The following SLC52A3 variants were observed in gnomAD, a reference collection of about 807,000 sequenced individuals.
The protein encoded by SLC52A3 is solute carrier family 52, riboflavin transporter, member 3.
Under a neutral mutation model 29.5 loss-of-function variants are expected in SLC52A3, and 20 were observed. That is an observed-to-expected ratio of 0.68 (90% CI 0.48 to 0.99). The LOEUF is 0.99. Among genes scored for constraint, SLC52A3 ranks in the 50% least tolerant of loss-of-function variants. The pLI is 0.00. For synonymous variants in SLC52A3, 301 were observed against 271.0 expected (o/e 1.11, Z -1.09); for missense variants, 548 against 612.9 (o/e 0.89, Z 1.12).
upstream of SLC52A3, among the ~76,000 whole-genome samples, chr20:771,105 A>G (rs992062139): frequency 2.6e-5 from 4 of 151,990 alleles, no homozygotes; most frequent in Non-Finnish European, 5.9e-5. Flanking sequence ...TGTTTAAGTC[A>G]CTCTTATTTT....
At chr20:761,386 G>T in intron 4 of SLC52A3, 148 bp from the exon 5 acceptor site, 1 of 979,116 alleles carries the variant, frequency 1.0e-6, no homozygotes, top group Non-Finnish European at 1.5e-6. Context: ...CGGGGCCGAC[G>T]GGTCCCATGA....
At chr20:778,510 GGT>G (rs1346821557), upstream of SLC52A3, among the ~76,000 whole-genome samples, 2 of 152,026 alleles carry the variant, frequency 1.3e-5, no homozygotes. Context: ...AATTAAATAT[GGT>G]TTCTCTCCTG....
At chr20:769,493 C>T (rs1986783826), upstream of SLC52A3, among the ~76,000 whole-genome samples, 1 of 152,234 alleles carries the variant, frequency 6.6e-6, no homozygotes, top group African/African-American at 2.4e-5. Context: ...AGAACTGTTG[C>T]TAGGAACATG....
chr20:767,311 T>C (rs1986716065), intron 1 of SLC52A3, among the ~76,000 whole-genome samples: 1 of 151,988 alleles, frequency 6.6e-6, no homozygotes, highest in Non-Finnish European at 1.5e-5. Flanking sequence ...AAGCAACCCT[T>C]GAAGGACACA....
Position 761,061 on chromosome 20 carries a change from A to T in SLC52A3, c.1375T>A (p.Ser459Thr). Residue 459 changes from serine (S) to threonine (T), a missense_variant, in exon 5 of 5, where the codon TCC (serine) becomes ACC (threonine). Coordinates refer to ENST00000645534, the MANE Select transcript of SLC52A3 (RefSeq NM_033409.4). ...CAGTGCAGATTGCAGAAGTCCGCGG[A>T]CGAGAAGAGCCGCAGCACGTTGACC... ...PLVNVLRLFSSADFCNLHCPA is the reference protein window; with the variant it reads ...PLVNVLRLFSTADFCNLHCPA The T allele has an allele frequency of 6.2e-7, 1 of 1,609,852 alleles. No homozygotes were observed. The highest frequency in any genetic ancestry group is 8.5e-7 in the Non-Finnish European group (1 of 1,178,710).
At chr20:767,943 A>C (rs2122535112) in intron 1 of SLC52A3, among the ~76,000 whole-genome samples, 1 of 152,264 alleles carries the variant, frequency 6.6e-6, no homozygotes, top group Middle Eastern at 3.4e-3. Context: ...AGATGCCAGG[A>C]GTGAGGCTCT....
chr20:763,126 C>T (rs6140113), intron 3 of SLC52A3, among the ~76,000 whole-genome samples: 26,243 of 152,184 alleles, frequency 0.17, 2,637 homozygotes, highest in East Asian at 0.52. Flanking sequence ...CCCTTATAAA[C>T]GGGAACCTCA....
In SLC52A3 at chr20:765,503, A is replaced by C. The variant is rs1481097414; in HGVS notation, c.272T>G (p.Phe91Cys). 10 of 1,586,574 alleles carry C rather than the reference A, an allele frequency of 6.3e-6. No individual in the cohort carries two copies. The highest frequency in any genetic ancestry group is 2.7e-5 in the African/African-American group (2 of 74,294). The change falls in exon 2 of 5, where the codon TTC becomes TGC. Residue 91 changes from phenylalanine to cysteine, a missense_variant. By Grantham distance (205) the Phe-to-Cys change is radical. Coordinates refer to ENST00000645534, the MANE Select transcript of SLC52A3 (RefSeq NM_033409.4). This position sits in a 1 kb window ranked among gnomAD's most constrained non-coding sequence, Gnocchi z 6.6. The part of the protein sequence containing the change: ...VGTVTCIIFA[F>C]LWNMTSWVLD... Reference sequence around the variant, plus strand: ...CACCCAGGAGGTCATATTCCAGAGGAAGGCAAAGATGATGCAGGTGACGGT... The same window carrying C: ...CACCCAGGAGGTCATATTCCAGAGGCAGGCAAAGATGATGCAGGTGACGGT...
rs1986437649 is a variant in SLC52A3 at position 760,951 on chromosome 20, C to A, written c.*75G>T. The A allele has an allele frequency of 7.1e-7, 1 of 1,404,370 alleles. No homozygotes were observed. Among genetic ancestry groups the A allele is most frequent in the South Asian group, 1.2e-5 (1 of 80,982 alleles). The allele number at this position is 1,404,370 out of a possible 1,614,324, so 87.0% of individuals were successfully genotyped here. Reference sequence around the variant, plus strand: ...CTCAGGCTCTGTCTCTCTGTTCCTGCCCCTTGCTCTGTGACCTGGCCTCTC... The same window carrying A: ...CTCAGGCTCTGTCTCTCTGTTCCTGACCCTTGCTCTGTGACCTGGCCTCTC... On this transcript the variant is annotated 3_prime_UTR_variant, in exon 5 of 5. Transcript: ENST00000645534. This position sits in a 1 kb window ranked among gnomAD's most constrained non-coding sequence, Gnocchi z 4.9.
chr20:770,094 A>G (rs6117544), upstream of SLC52A3, among the ~76,000 whole-genome samples: 116,486 of 151,596 alleles, frequency 0.77, 45,535 homozygotes, highest in East Asian at 0.91. The surrounding 1 kb of genome is among the most constrained non-coding windows in gnomAD (Gnocchi z 4.5). Flanking sequence ...CGTTGCCAGC[A>G]CTCATTTAAT....
Position 763,553 on chromosome 20 carries a change from G to C in SLC52A3, c.1018C>G (p.Leu340Val). 2.5e-6 allele frequency: 4 copies of C among 1,614,180 alleles called. No homozygotes were observed. Among genetic ancestry groups the C allele is most frequent in the Non-Finnish European group, 3.4e-6 (4 of 1,180,020 alleles). Residue 340 changes from leucine to valine, a missense_variant, in exon 3 of 5, where the codon CTC becomes GTC. This residue lies in a region of SLC52A3 where 375 missense variants were observed against 471.1 expected (regional missense o/e 0.80). Transcript: ENST00000645534. ...GPVAYHLAAT[L>V]SIVANPLASL... is the part of the protein sequence containing the mutation. The stretch of plus-strand genomic sequence containing the variant: ...GCAAGAGGGTTGGCCACAATGCTGA[G>C]GGTGGCAGCCAGGTGGTAGGCAACT...
intron 1 of SLC52A3, among the ~76,000 whole-genome samples, 175 bp downstream of exon 1, chr20:768,122 C>G (rs892777674): frequency 1.3e-5 from 2 of 152,210 alleles, no homozygotes; most frequent in African/African-American, 2.4e-5. Context: ...TGAGTTTATG[C>G]TGTTTCCAAC....
chr20:779,579 A>G (rs1987156573), upstream of SLC52A3, among the ~76,000 whole-genome samples: 1 of 152,236 alleles, frequency 6.6e-6, no homozygotes. Flanking sequence ...AGATTGCACC[A>G]CTGCACTCCA....
upstream of SLC52A3, among the ~76,000 whole-genome samples, chr20:773,106 C>G (rs534668631): frequency 1.4e-4 from 21 of 152,148 alleles, no homozygotes; most frequent in Non-Finnish European, 2.2e-4. Context: ...GCAGAAGAGA[C>G]CAGCTCTAAT....
chr20:773,714 C>G (rs1986919157), intron 1 of SLC52A3, among the ~76,000 whole-genome samples: 1 of 152,144 alleles, frequency 6.6e-6, no homozygotes, highest in East Asian at 1.9e-4. Flanking sequence ...GTTAAGATGC[C>G]CCATAATGCG....
At chr20:761,878 C>T (rs1000895791) in intron 3 of SLC52A3, 54 bp from the exon 4 acceptor site, 14 of 1,612,976 alleles carry the variant, frequency 8.7e-6, no homozygotes, top group Admixed American at 1.7e-5. Flanking sequence ...CTCTGACCCC[C>T]CCGCCCCACT....
intron 2 of SLC52A3, among the ~76,000 whole-genome samples, chr20:764,537 A>AG (rs201459653): frequency 3.3e-3 from 377 of 114,058 alleles, no homozygotes; most frequent in Non-Finnish European, 4.2e-3. Context: ...CCCCCACCTA[A>AG]GGAAGAACAC....
At position 765,332 on chromosome 20, in the gene SLC52A3, C is replaced by T. The variant is rs1432591474; in HGVS notation, c.443G>A (p.Ser148Asn). 6.2e-7 allele frequency: 1 copy of T among 1,613,994 alleles called. No individual in the cohort carries two copies. The highest frequency in any genetic ancestry group is 8.5e-7 in the Non-Finnish European group (1 of 1,180,014). ...AGCCACCAGGGCGGGCAAGAGGCCG[C>T]TGAGTCCTTCACCCACAAAGAAGGT... The part of the protein sequence containing the change: ...LTTFFVGEGL[S>N]GLLPALVALA... The change falls in exon 2 of 5, where the codon AGC becomes AAC. Residue 148 changes from serine to asparagine, a missense_variant. Transcript: ENST00000645534. This position sits in a 1 kb window ranked among gnomAD's most constrained non-coding sequence, Gnocchi z 6.6.
chr20:774,503 G>A (rs1349336885), intron 1 of SLC52A3, among the ~76,000 whole-genome samples: 2 of 152,232 alleles, frequency 1.3e-5, no homozygotes, highest in Non-Finnish European at 2.9e-5. Context: ...GGAGATGAAG[G>A]GGAGTGAGAG....
Sources: allele counts gnomAD v4.1 joint callset (sites outside exome capture counted in the v4.1 genomes callset), GRCh38; gene constraint gnomAD v4.1.1; regional missense constraint gnomAD v4.1.1; non-coding constraint Gnocchi (gnomAD v3.1); transcripts MANE v1.5; gene names NCBI Gene and HGNC (gene_info 2026-07-23, HGNC 2026-07-21).